Variants in SEMA4A observed in about 807,000 individuals in gnomAD.
SEMA4A encodes semaphorin-4A.
Under a neutral mutation model 72.5 loss-of-function variants are expected in SEMA4A, and 52 were observed. The observed-to-expected ratio is 0.72, with a 90% CI of 0.57 to 0.90. The LOEUF (loss-of-function observed/expected upper bound fraction) is 0.90. Ranked by LOEUF, SEMA4A falls within the 40% of genes least tolerant of loss-of-function variation. The probability of loss-of-function intolerance (pLI) is 0.00; values close to 1 mark genes in which losing one functional copy is unlikely to be tolerated. For missense variants in SEMA4A, 926 were observed against 959.7 expected, an observed-to-expected ratio of 0.96 and a Z score of 0.46; for synonymous variants, 369 against 393.1, an observed-to-expected ratio of 0.94 and a Z score of 0.73.
intron 8 of SEMA4A, 101 bp downstream of exon 8, chr1:156,161,130 C>G: frequency 1.3e-6 from 1 of 758,176 alleles, no homozygotes; most frequent in Admixed American, 2.8e-5. Flanking sequence ...AGCGGGGGAG[C>G]GGGGCGGGGA....
intron 10 of SEMA4A, among the ~76,000 whole-genome samples, chr1:156,165,673 T>A (rs1452523303): frequency 1.3e-5 from 2 of 152,160 alleles, no homozygotes; most frequent in Admixed American, 6.6e-5. Flanking sequence ...TTGTTTTTTT[T>A]AATACTGATC....
intron 12 of SEMA4A, 23 bp from the exon 13 acceptor site, chr1:156,175,063 G>T: frequency 6.2e-7 from 1 of 1,614,152 alleles, no homozygotes; most frequent in South Asian, 1.1e-5. Flanking sequence ...GGGGCTCCCT[G>T]ACAATCTCCA....
intron 10 of SEMA4A, among the ~76,000 whole-genome samples, chr1:156,167,983 C>T (rs555449983): frequency 3.2e-4 from 49 of 152,168 alleles, no homozygotes; most frequent in African/African-American, 1.1e-3. Context: ...TGCAATGGCG[C>T]GATCTTAGCT....
chr1:156,170,460 CAAAAAAAAAAAAAA>C (rs35927446), intron 10 of SEMA4A, among the ~76,000 whole-genome samples: 1 of 40,302 alleles, frequency 2.5e-5, no homozygotes. Context: ...GATACTGTCT[CAAAAAAAAAAAAAA>C]AAAAAAAAAA....
chr1:156,177,451 A>C lies in SEMA4A; in HGVS notation c.*454A>C. 9 of 250,450 alleles carry C rather than the reference A, an allele frequency of 3.6e-5. No homozygotes were observed. The highest frequency in any genetic ancestry group is 4.8e-5 in the South Asian group (1 of 20,752). The allele number at this position is 250,450 out of a possible 1,614,324, so 15.5% of individuals were successfully genotyped here. A position where few individuals can be genotyped will look rare whatever the true frequency, so the allele number is the denominator to read the frequency against. Reference sequence around the variant, plus strand: ...TGAAGCTGCCGCTTTGGACACCAACACTCCCTTCTCCCAGGGTCATGCAGG... The same window carrying C: ...TGAAGCTGCCGCTTTGGACACCAACCCTCCCTTCTCCCAGGGTCATGCAGG... On this transcript the variant is annotated 3_prime_UTR_variant, in exon 15 of 15. Transcript: ENST00000368285.
upstream of SEMA4A, chr1:156,149,935 C>T (rs972028203): frequency 6.6e-6 from 1 of 152,204 alleles, no homozygotes; most frequent in African/African-American, 2.4e-5. Flanking sequence ...ATTCTAGTCC[C>T]TCCCACTTAG....
upstream of SEMA4A, among the ~76,000 whole-genome samples, chr1:156,151,323 T>A (rs1455699373): frequency 6.6e-6 from 1 of 152,208 alleles, no homozygotes; most frequent in African/African-American, 2.4e-5. Flanking sequence ...GCTGGGGCCC[T>A]GCCAGCTGAA....
At chr1:156,162,285 A>G (rs1390887131) in intron 9 of SEMA4A, among the ~76,000 whole-genome samples, 1 of 152,184 alleles carries the variant, frequency 6.6e-6, no homozygotes, top group African/African-American at 2.4e-5. Flanking sequence ...AAATAAAGTC[A>G]TTGCTTGAAG....
At chr1:156,174,792 A>G in intron 11 of SEMA4A, 30 bp from the exon 12 acceptor site, 1 of 1,614,088 alleles carries the variant, frequency 6.2e-7, no homozygotes, top group Non-Finnish European at 8.5e-7. Flanking sequence ...ATGAGATGAG[A>G]TGACTTCCAC....
upstream of SEMA4A, among the ~76,000 whole-genome samples, chr1:156,148,964 G>A (rs770622816): frequency 1.3e-5 from 2 of 152,002 alleles, no homozygotes; most frequent in African/African-American, 2.4e-5. Context: ...CACCATGCCC[G>A]GCTAATTTTG....
At chr1:156,163,951 G>T (rs1480186718) in intron 10 of SEMA4A, among the ~76,000 whole-genome samples, 1 of 150,818 alleles carries the variant, frequency 6.6e-6, no homozygotes, top group African/African-American at 2.4e-5. Context: ...GATCACTTGA[G>T]CCTGGGAGTT....
intron 11 of SEMA4A, among the ~76,000 whole-genome samples, chr1:156,174,310 C>T (rs944545117): frequency 6.6e-6 from 1 of 152,210 alleles, no homozygotes; most frequent in Admixed American, 6.5e-5. Context: ...GAGAACAAAA[C>T]AGTCAAAAAT....
intron 8 of SEMA4A, 33 bp downstream of exon 8, chr1:156,161,062 G>T: frequency 6.2e-7 from 1 of 1,602,842 alleles, no homozygotes. Context: ...GGGGCTAACT[G>T]GAGGAGAACC....
rs1653136657 is a variant in SEMA4A, at chr1:156,157,388, T to A, written c.301-682T>A. ...TAGTAGAGACGGGGTTTCACCATGT[T>A]GGTCAGCCTGGTCTCGAACTCCCGA... is the stretch of plus-strand genomic sequence containing the variant. On this transcript the variant is annotated intron_variant, in intron 3 of 14. Transcript: ENST00000368285. This position sits in a 1 kb window ranked among gnomAD's most constrained non-coding sequence, Gnocchi z 4.5. 6.6e-6 allele frequency among the ~76,000 whole-genome samples: 1 copy of A among 152,170 alleles called. No homozygotes were observed. Among genetic ancestry groups the A allele is most frequent in the African/African-American group, 2.4e-5 (1 of 41,440 alleles).
At chr1:156,161,573 G>GC in intron 9 of SEMA4A, 55 bp downstream of exon 9, 1 of 1,592,276 alleles carries the variant, frequency 6.3e-7, no homozygotes, top group Non-Finnish European at 8.6e-7. Context: ...CGCCAGTGAG[G>GC]CCCCAGCTCG....
chr1:156,171,894 C>T (rs948188024), intron 10 of SEMA4A, among the ~76,000 whole-genome samples: 3 of 151,456 alleles, frequency 2.0e-5, no homozygotes, highest in East Asian at 3.9e-4. Flanking sequence ...AGCGATTCTC[C>T]TGTCTCGCCT....
In SEMA4A at chr1:156,176,412, A is replaced by C. The variant is rs1434552878; in HGVS notation, c.1701A>C (p.Glu567Asp). ...RPQSRPQIIK[E>D]VLAVPNSILE... ...CCTTTCTTTCTCCTACAGTTAAAGA[A>C]GTCCTGGCTGTCCCCAACTCCATCC... The change falls in exon 15 of 15, where the codon GAA becomes GAC. Residue 567 changes from glutamate to aspartate, a missense_variant. Glu to Asp is a conservative substitution (Grantham distance 45, BLOSUM62 2). Transcript: ENST00000368285. 2 of 1,612,762 alleles carry C rather than the reference A, an allele frequency of 1.2e-6. No individual in the cohort carries two copies. Among genetic ancestry groups the C allele is most frequent in the Non-Finnish European group, 1.7e-6 (2 of 1,178,814 alleles).
chr1:156,154,336 A>G, intron 1 of SEMA4A: 1 of 585,350 alleles, frequency 1.7e-6, no homozygotes, highest in Non-Finnish European at 3.1e-6. Flanking sequence ...GCTCCTACCC[A>G]TAGGGGACAG....
chr1:156,169,131 C>A (rs939846474), intron 10 of SEMA4A, among the ~76,000 whole-genome samples: 9 of 152,188 alleles, frequency 5.9e-5, no homozygotes, highest in Non-Finnish European at 1.2e-4. Context: ...CTTAAACAGA[C>A]TTTCAAATAA....
Sources: gnomAD v4.1 joint callset for allele counts (sites outside exome capture counted in the v4.1 genomes callset) on GRCh38, gnomAD v4.1.1 for gene constraint, Gnocchi (gnomAD v3.1) non-coding constraint, MANE v1.5 for transcripts, NCBI Gene and HGNC (gene_info 2026-07-23, HGNC 2026-07-21) for gene names.